Variants in DLGAP2 observed in about 807,000 individuals in gnomAD.
DLGAP2 encodes the protein DLG associated protein 2.
A neutral mutation model predicts 100.3 loss-of-function variants in DLGAP2; 26 were observed. The ratio of observed to expected loss-of-function variants is 0.26; its 90% CI spans 0.19 to 0.36. The LOEUF (loss-of-function observed/expected upper bound fraction) is 0.36. DLGAP2 is among the 10% of genes least tolerant of loss of function. The pLI is 1.00. For synonymous variants in DLGAP2, 886 were observed against 630.1 expected, an observed-to-expected ratio of 1.41 and a Z score of -6.08; for missense variants, 1,858 against 1,453.2, an observed-to-expected ratio of 1.28 and a Z score of -4.53.
intron 8 of DLGAP2, among the ~76,000 whole-genome samples, chr8:1,665,935 C>G (rs912670814): frequency 1.3e-5 from 2 of 152,228 alleles, no homozygotes; most frequent in Non-Finnish European, 2.9e-5. Context: ...GACCATGTGT[C>G]CATGTCGCAC....
At chr8:1,457,173 C>G (rs1225108116) in intron 3 of DLGAP2, among the ~76,000 whole-genome samples, 1 of 152,130 alleles carries the variant, frequency 6.6e-6, no homozygotes, top group East Asian at 1.9e-4. Flanking sequence ...TTGGAGTAGG[C>G]CTTTTGTGTA....
chr8:1,290,916 T>C (rs1800042971), intron 3 of DLGAP2, among the ~76,000 whole-genome samples: 1 of 152,200 alleles, frequency 6.6e-6, no homozygotes, highest in African/African-American at 2.4e-5. Flanking sequence ...AGTGTACCGT[T>C]CACTGGTGTT....
chr8:1,277,415 A>G (rs1408886260), intron 3 of DLGAP2, among the ~76,000 whole-genome samples: 1 of 152,244 alleles, frequency 6.6e-6, no homozygotes, highest in African/African-American at 2.4e-5. Flanking sequence ...AGAAATACAT[A>G]GAGCAAGAAG....
chr8:1,416,888 G>C (rs776891227), intron 3 of DLGAP2, among the ~76,000 whole-genome samples: 2 of 152,156 alleles, frequency 1.3e-5, no homozygotes, highest in Non-Finnish European at 2.9e-5. Context: ...CTGTTCGTGT[G>C]AAAGCTTCTC....
chr8:1,267,163 C>T (rs1297554477), intron 3 of DLGAP2, among the ~76,000 whole-genome samples: 3 of 151,414 alleles, frequency 2.0e-5, no homozygotes, highest in Non-Finnish European at 2.9e-5. Context: ...ACCAGGGAGG[C>T]GGAGCTTGCA....
At position 1,458,910 on chromosome 8, in the gene DLGAP2, A is replaced by C. The variant is rs73534650; in HGVS notation, c.107-42456A>C. Among the ~76,000 whole-genome samples, 1,201 of 152,328 alleles carry C rather than the reference A, an allele frequency of 7.9e-3. 17 individuals carry two copies. Among genetic ancestry groups the C allele is most frequent in the African/African-American group, 0.027 (1,134 of 41,582 alleles). On this transcript the variant is annotated intron_variant, in intron 3 of 14. Coordinates refer to ENST00000637795, the MANE Select transcript of DLGAP2 (RefSeq NM_001346810.2). ...GTGCTAGGGCCTCTGGCCACTCAGCATCTTTCCCACCAATGTGCAAGACCA... is the reference window on the plus strand; with the variant it reads ...GTGCTAGGGCCTCTGGCCACTCAGCCTCTTTCCCACCAATGTGCAAGACCA...
In DLGAP2 at chr8:1,293,733, C is replaced by T. The variant is rs980106849; in HGVS notation, c.106+34850C>T. 1.2e-4 allele frequency among the ~76,000 whole-genome samples: 19 copies of T among 152,126 alleles called. 1 individual carries two copies. In the South Asian group the frequency reaches 1.9e-3, roughly 15 times the overall value. ...CCCCATTCTTTATAATACAAACAAA[C>T]GATAATTAACATTTCGGAGCTGGGG... On this transcript the variant is annotated intron_variant, in intron 3 of 14. Coordinates refer to ENST00000637795, the MANE Select transcript of DLGAP2 (RefSeq NM_001346810.2).
intron 1 of DLGAP2, among the ~76,000 whole-genome samples, chr8:839,083 A>T (rs1009285577): frequency 6.6e-6 from 1 of 152,230 alleles, no homozygotes; most frequent in African/African-American, 2.4e-5. Context: ...ACCAAAAGAA[A>T]ACAAGTGTTG....
At chr8:965,534 A>G (rs1479790915) in intron 2 of DLGAP2, among the ~76,000 whole-genome samples, 1 of 127,662 alleles carries the variant, frequency 7.8e-6, no homozygotes, top group Non-Finnish European at 1.6e-5. Flanking sequence ...TGCACACGGC[A>G]CTGTTCACCA....
intron 3 of DLGAP2, among the ~76,000 whole-genome samples, chr8:1,376,611 G>A (rs1313504204): frequency 1.3e-5 from 2 of 152,182 alleles, no homozygotes; most frequent in African/African-American, 4.8e-5. Context: ...GGGGAGCCGG[G>A]TGACAGGGAC....
chr8:972,874 G>A (rs570005618), intron 2 of DLGAP2, among the ~76,000 whole-genome samples: 3 of 152,096 alleles, frequency 2.0e-5, no homozygotes, highest in African/African-American at 4.8e-5. Flanking sequence ...ATCTTGCACC[G>A]CCCTTAATCC....
chr8:811,677 C>T (rs1796372944), intron 1 of DLGAP2, among the ~76,000 whole-genome samples: 1 of 149,590 alleles, frequency 6.7e-6, no homozygotes, highest in South Asian at 2.1e-4. Context: ...AGGGCTCCTG[C>T]CGTGGTGAGA....
intron 1 of DLGAP2, among the ~76,000 whole-genome samples, chr8:903,644 T>C (rs1798308678): frequency 1.3e-5 from 2 of 152,044 alleles, no homozygotes; most frequent in South Asian, 4.2e-4. Context: ...GACCAAGAGC[T>C]TAGTGACTTG....
chr8:913,139 G>C (rs552396705), intron 2 of DLGAP2, among the ~76,000 whole-genome samples: 8 of 152,308 alleles, frequency 5.3e-5, no homozygotes, highest in Non-Finnish European at 8.8e-5. Context: ...TACAAGGTAG[G>C]ATTTTGGAAG....
rs1002250060 is a variant in DLGAP2 at position 1,461,013 on chromosome 8, C to G, written c.107-40353C>G. 6.6e-5 allele frequency among the ~76,000 whole-genome samples: 10 copies of G among 152,336 alleles called. No homozygotes were observed. In the South Asian group the frequency reaches 1.9e-3, roughly 28 times the overall value. On this transcript the variant is annotated intron_variant, in intron 3 of 14. Transcript: ENST00000637795. ...TGCCTCCATAAACCAAAATCAGCAGCTCTCACGTGGGCTGGGCACAGTCGC... is the reference window on the plus strand; with the variant it reads ...TGCCTCCATAAACCAAAATCAGCAGGTCTCACGTGGGCTGGGCACAGTCGC...
intron 2 of DLGAP2, among the ~76,000 whole-genome samples, chr8:1,134,663 T>A (rs1192499304): frequency 6.6e-6 from 1 of 152,118 alleles, no homozygotes; most frequent in Non-Finnish European, 1.5e-5. Context: ...TGAGAATGGG[T>A]AATTTATAAA....
At chr8:1,234,107 C>T (rs1039422617) in intron 2 of DLGAP2, among the ~76,000 whole-genome samples, 1 of 152,158 alleles carries the variant, frequency 6.6e-6, no homozygotes, top group Admixed American at 6.5e-5. Context: ...AGCATTGTAG[C>T]CTGTTGCTAT....
At chr8:890,594 A>G (rs1798015142) in intron 1 of DLGAP2, among the ~76,000 whole-genome samples, 1 of 150,134 alleles carries the variant, frequency 6.7e-6, no homozygotes, top group Admixed American at 6.6e-5. Context: ...CGGCTGCGTA[A>G]TTCCTCCTTG....
At chr8:1,582,606 C>CAAGATGGAGTCTCGCTCCGTCACG in intron 6 of DLGAP2, among the ~76,000 whole-genome samples, 1 of 151,576 alleles carries the variant, frequency 6.6e-6, no homozygotes, top group Non-Finnish European at 1.5e-5. Context: ...TTTTCCCCCG[C>CAAGATGGAGTCTCGCTCCGTCACG]CAAGATGGAG....
Sources: gnomAD v4.1 joint callset for allele counts (sites outside exome capture counted in the v4.1 genomes callset) on GRCh38, gnomAD v4.1.1 for gene constraint, MANE v1.5 for transcripts, NCBI Gene and HGNC (gene_info 2026-07-23, HGNC 2026-07-21) for gene names.